NRG3: variants seen among roughly 807,000 people sequenced by gnomAD.
NRG3 encodes the protein pro-neuregulin-3, membrane-bound isoform.
Under a neutral mutation model 66.9 loss-of-function variants are expected in NRG3, and 31 were observed. The observed-to-expected ratio is 0.46, with a 90% CI of 0.35 to 0.63. NRG3 has a LOEUF of 0.63. Ranked by LOEUF, NRG3 falls within the 20% of genes least tolerant of loss-of-function variation. NRG3 has a pLI of 0.00. For synonymous variants in NRG3, 393 were observed against 359.4 expected (o/e 1.09, Z -1.06); for missense variants, 910 against 878.9 (o/e 1.04, Z -0.45).
At chr10:82,769,068 G>A (rs2059619857) in intron 3 of NRG3, among the ~76,000 whole-genome samples, 2 of 152,046 alleles carry the variant, frequency 1.3e-5, no homozygotes, top group Non-Finnish European at 2.9e-5. Context: ...GACTACAGAT[G>A]AAAGGCTCCA....
At chr10:81,990,028 G>A (rs2060679619) in intron 1 of NRG3, among the ~76,000 whole-genome samples, 1 of 152,176 alleles carries the variant, frequency 6.6e-6, no homozygotes, top group Non-Finnish European at 1.5e-5. Context: ...AGGGACTGAT[G>A]CTGGAGAAAG....
chr10:82,699,918 A>G (rs76708239), intron 2 of NRG3, among the ~76,000 whole-genome samples: 7,181 of 152,056 alleles, frequency 0.047, 200 homozygotes, highest in South Asian at 0.091. Context: ...AACATACACT[A>G]TGAGTGCATA....
intron 2 of NRG3, among the ~76,000 whole-genome samples, chr10:82,670,611 A>G (rs994982119): frequency 1.4e-4 from 21 of 152,158 alleles, no homozygotes; most frequent in African/African-American, 5.1e-4. Flanking sequence ...CTAGCAATAG[A>G]TTTAAAGGAC....
intron 1 of NRG3, among the ~76,000 whole-genome samples, chr10:82,084,882 A>C (rs1341887257): frequency 6.6e-6 from 1 of 152,122 alleles, no homozygotes; most frequent in Non-Finnish European, 1.5e-5. Context: ...GTTCTTCTCT[A>C]CACAATCAAT....
At chr10:81,902,886 A>C (rs1472631178) in intron 1 of NRG3, among the ~76,000 whole-genome samples, 1 of 152,180 alleles carries the variant, frequency 6.6e-6, no homozygotes, top group Non-Finnish European at 1.5e-5. Flanking sequence ...AGTAAAATTG[A>C]CAACTAACTA....
At chr10:82,972,397 T>C (rs1380304745) in intron 6 of NRG3, among the ~76,000 whole-genome samples, 3 of 152,180 alleles carry the variant, frequency 2.0e-5, no homozygotes, top group African/African-American at 7.2e-5. Flanking sequence ...GTTGAAATTC[T>C]TTGGACTTTA....
chr10:81,902,577 C>T (rs12264128), intron 1 of NRG3, among the ~76,000 whole-genome samples: 18,416 of 152,070 alleles, frequency 0.12, 1,860 homozygotes, highest in African/African-American at 0.27. Context: ...TGAAATAGAC[C>T]TGCCAGGGCC....
chr10:82,691,474 T>C (rs1333316344), intron 2 of NRG3, among the ~76,000 whole-genome samples: 1 of 152,168 alleles, frequency 6.6e-6, no homozygotes, highest in Non-Finnish European at 1.5e-5. Context: ...ATCCAAGTCC[T>C]GGTTGCTGAC....
chr10:81,955,543 A>G (rs1308262019), intron 1 of NRG3, among the ~76,000 whole-genome samples: 1 of 152,100 alleles, frequency 6.6e-6, no homozygotes, highest in Non-Finnish European at 1.5e-5. Flanking sequence ...GTCAATCTTG[A>G]CCTGTGGCAA....
chr10:82,147,068 G>A lies in NRG3; in HGVS notation c.824-211671G>A, dbSNP rs150961304. The stretch of plus-strand genomic sequence containing the variant: ...TTCCAGACTTTGTCAGAGTTCTTCA[G>A]GAACTGACCAGATCCAGTTTGCAGG... On this transcript the variant is annotated intron_variant, in intron 1 of 8. Transcript: ENST00000372141. Among the ~76,000 whole-genome samples the A allele has an allele frequency of 5.9e-3, 903 of 152,310 alleles. 11 individuals are homozygous for A. The highest frequency in any genetic ancestry group is 9.7e-3 in the Non-Finnish European group (659 of 68,034).
chr10:82,437,289 C>T (rs1292547563), intron 2 of NRG3, among the ~76,000 whole-genome samples: 3 of 151,486 alleles, frequency 2.0e-5, no homozygotes, highest in African/African-American at 7.3e-5. Context: ...GTAAGGTGGT[C>T]TTCAAACTCT....
chr10:82,691,631 T>G (rs2054934913), intron 2 of NRG3, among the ~76,000 whole-genome samples: 1 of 152,188 alleles, frequency 6.6e-6, no homozygotes, highest in Admixed American at 6.5e-5. Flanking sequence ...GACAACGATC[T>G]CTCCATTTTA....
chr10:82,412,108 G>A (rs1162339469), intron 2 of NRG3, among the ~76,000 whole-genome samples: 1 of 152,030 alleles, frequency 6.6e-6, no homozygotes, highest in Non-Finnish European at 1.5e-5. Context: ...CAGTAGTTGT[G>A]TCTTAATGTG....
chr10:82,701,067 G>T (rs1283699916), intron 2 of NRG3, among the ~76,000 whole-genome samples: 1 of 151,854 alleles, frequency 6.6e-6, no homozygotes, highest in Non-Finnish European at 1.5e-5. Context: ...ATATATTATA[G>T]ATGAAGATAT....
intron 2 of NRG3, among the ~76,000 whole-genome samples, chr10:82,540,521 GGTGTGA>G (rs1431154597): frequency 6.6e-6 from 1 of 151,808 alleles, no homozygotes; most frequent in Non-Finnish European, 1.5e-5. Flanking sequence ...TGTGTGAAAG[GGTGTGA>G]GTGTGAGTTT....
intron 5 of NRG3, among the ~76,000 whole-genome samples, chr10:82,957,805 A>G (rs1016251027): frequency 6.6e-6 from 1 of 152,052 alleles, no homozygotes; most frequent in African/African-American, 2.4e-5. Context: ...TATCGTGTGT[A>G]TTCCCATTGC....
At chr10:82,887,067 TA>T (rs1333147922) in intron 4 of NRG3, among the ~76,000 whole-genome samples, 27 of 152,336 alleles carry the variant, frequency 1.8e-4, no homozygotes, top group African/African-American at 6.0e-4. Flanking sequence ...TTGATCTGGC[TA>T]AAGATGCAGT....
chr10:82,881,973 T>C (rs931179248), intron 4 of NRG3, among the ~76,000 whole-genome samples: 3 of 152,162 alleles, frequency 2.0e-5, no homozygotes, highest in Admixed American at 6.5e-5. Context: ...CAGTGCCAAA[T>C]ACTATAGAAT....
At chr10:82,136,785 T>C (rs2069391587) in intron 1 of NRG3, among the ~76,000 whole-genome samples, 1 of 152,176 alleles carries the variant, frequency 6.6e-6, no homozygotes, top group Non-Finnish European at 1.5e-5. Context: ...AGGGCTGGTA[T>C]AAATGCTCCC....
Sources: allele counts gnomAD v4.1 joint callset (sites outside exome capture counted in the v4.1 genomes callset), GRCh38; gene constraint gnomAD v4.1.1; transcripts MANE v1.5; gene names NCBI Gene and HGNC (gene_info 2026-07-23, HGNC 2026-07-21).